USP46: variants seen among roughly 807,000 people sequenced by gnomAD.
The protein encoded by USP46 is ubiquitin specific peptidase 46, also known as ubiquitin carboxyl-terminal hydrolase 46.
Under a neutral mutation model 44.4 loss-of-function variants are expected in USP46, and 12 were observed. The observed-to-expected ratio is 0.27, with a 90% CI of 0.17 to 0.44. The LOEUF is 0.44. Ranked by LOEUF, USP46 falls within the 20% of genes least tolerant of loss-of-function variation. The pLI is 1.00. For synonymous variants in USP46, 155 were observed against 161.5 expected (o/e 0.96, Z 0.31); for missense variants, 248 against 444.8 (o/e 0.56, Z 3.98).
In USP46 at chr4:52,595,267, T is replaced by C. The variant is rs1716180391; in HGVS notation, c.*2373A>G. 6.6e-6 allele frequency: 1 copy of C among 152,652 alleles called. No homozygotes were observed. The highest frequency in any genetic ancestry group is 2.4e-5 in the African/African-American group (1 of 41,448). 9.5% of individuals were successfully genotyped at this position (152,652 alleles called of 1,614,324 possible). ...TAAACTAAAAGTGTTTGCATGTTAC[T>C]GTCTTTACATAAAGAGACATGATTG... On this transcript the variant is annotated 3_prime_UTR_variant, in exon 9 of 9. Transcript: ENST00000441222.
chr4:52,609,192 CTATT>C (rs1716819577), intron 5 of USP46, among the ~76,000 whole-genome samples: 1 of 152,182 alleles, frequency 6.6e-6, no homozygotes, highest in African/African-American at 2.4e-5. Context: ...AATTTAAACA[CTATT>C]TATATCATTT....
intron 1 of USP46, among the ~76,000 whole-genome samples, chr4:52,635,381 C>A (rs896275476): frequency 6.6e-6 from 1 of 152,150 alleles, no homozygotes; most frequent in Non-Finnish European, 1.5e-5. Context: ...ACAACCAAGC[C>A]GACTAGATTC....
rs1283309550 is a variant in USP46 at position 52,593,675 on chromosome 4, C to G, written c.*3965G>C. ...AGTATTTCTGAAGCTGGGGGGTCCCCCATGGCTCAGAAACAGGCCCAGAAG... is the reference window on the plus strand; with the variant it reads ...AGTATTTCTGAAGCTGGGGGGTCCCGCATGGCTCAGAAACAGGCCCAGAAG... On this transcript the variant is annotated 3_prime_UTR_variant, in exon 9 of 9. Coordinates refer to ENST00000441222, the MANE Select transcript of USP46 (RefSeq NM_022832.4). The G allele has an allele frequency of 6.6e-6, 1 of 152,266 alleles. No individual in the cohort carries two copies. The highest frequency in any genetic ancestry group is 1.5e-5 in the Non-Finnish European group (1 of 68,070). 9.4% of individuals were successfully genotyped at this position (152,266 alleles called of 1,614,324 possible).
At chr4:52,632,990 A>AAAGGAAAGAAAAGAAAGAAAG in intron 1 of USP46, among the ~76,000 whole-genome samples, 1 of 66,294 alleles carries the variant, frequency 1.5e-5, no homozygotes, top group African/African-American at 6.1e-5. Context: ...GAAAGAAAAG[A>AAAGGAAAGAAAAGAAAGAAAG]AAAGAAAGAA....
Position 52,615,637 on chromosome 4 carries a change from C to A in USP46, c.562-5020G>T, listed in dbSNP as rs184747420. Among the ~76,000 whole-genome samples the A allele has an allele frequency of 4.4e-3, 676 of 152,278 alleles. 18 individuals carry two copies. The highest frequency in any genetic ancestry group is 0.04 in the Admixed American group (609 of 15,288). ...GAAGGAAGTCATACATAAAAGACCA[C>A]ATATTGTATGATTCCATTTACATGA... On this transcript the variant is annotated intron_variant, in intron 4 of 8. Coordinates refer to ENST00000441222, the MANE Select transcript of USP46 (RefSeq NM_022832.4).
chr4:52,630,736 C>CAAAAAAAAAAAAAAAAAAAGAAAA (rs1717791649), intron 2 of USP46, among the ~76,000 whole-genome samples: 1 of 92,292 alleles, frequency 1.1e-5, no homozygotes. Flanking sequence ...GACTCTGTCT[C>CAAAAAAAAAAAAAAAAAAAGAAAA]AAAAAAAAAA....
intron 1 of USP46, among the ~76,000 whole-genome samples, chr4:52,654,206 GTATTT>G (rs1718872779): frequency 6.6e-6 from 1 of 152,186 alleles, no homozygotes; most frequent in Non-Finnish European, 1.5e-5. Context: ...ACCTCAGACT[GTATTT>G]TCTAATCCCA....
intron 4 of USP46, among the ~76,000 whole-genome samples, chr4:52,622,123 A>G (rs1717400239): frequency 6.6e-6 from 1 of 152,256 alleles, no homozygotes; most frequent in Non-Finnish European, 1.5e-5. Flanking sequence ...TAGTATTGAC[A>G]CACAAAATGG....
At chr4:52,614,735 A>G (rs1717056970) in intron 4 of USP46, among the ~76,000 whole-genome samples, 1 of 152,190 alleles carries the variant, frequency 6.6e-6, no homozygotes, top group Admixed American at 6.5e-5. Context: ...CAAATACAAA[A>G]TACTTTTTTC....
rs758791809 is a variant in USP46 at position 52,626,110 on chromosome 4, G to C, written c.469C>G (p.Pro157Ala). 6.2e-7 allele frequency: 1 copy of C among 1,613,838 alleles called. No individual in the cohort carries two copies. The highest frequency in any genetic ancestry group is 8.5e-7 in the Non-Finnish European group (1 of 1,179,848). ...GKLKNGNMNE[P>A]AENNKPELTW... ...AGTTCTGGTTTATTATTTTCCGCAG[G>C]TTCGTTCATGTTGCCATTTTTTAAT... Residue 157 changes from proline (P) to alanine (A), a missense_variant, in exon 4 of 9, where the codon CCT (proline) becomes GCT (alanine). Coordinates refer to ENST00000441222, the MANE Select transcript of USP46 (RefSeq NM_022832.4).
At chr4:52,619,483 G>T (rs1329598312) in intron 4 of USP46, among the ~76,000 whole-genome samples, 1 of 152,150 alleles carries the variant, frequency 6.6e-6, no homozygotes, top group Non-Finnish European at 1.5e-5. Flanking sequence ...CATAAACATG[G>T]GTCTTGGCAA....
At chr4:52,624,737 C>T (rs1002593074) in intron 4 of USP46, among the ~76,000 whole-genome samples, 4 of 152,134 alleles carry the variant, frequency 2.6e-5, no homozygotes, top group Non-Finnish European at 5.9e-5. Flanking sequence ...CTCTGGGAGG[C>T]AAACAGGTCA....
At chr4:52,598,074 T>A (rs973286170) in intron 8 of USP46, among the ~76,000 whole-genome samples, 1 of 152,218 alleles carries the variant, frequency 6.6e-6, no homozygotes, top group Non-Finnish European at 1.5e-5. Flanking sequence ...AGAGTTCATC[T>A]CTTTTGGTGT....
chr4:52,628,079 C>A lies in USP46; in HGVS notation c.202G>T (p.Ala68Ser), dbSNP rs1407127416. The A allele has an allele frequency of 1.2e-6, 2 of 1,613,954 alleles. No homozygotes were observed. The highest frequency in any genetic ancestry group is 2.2e-5 in the South Asian group (2 of 91,074). ...PFRENVLAYK[A>S]QQKKKENLLT... ...AAGTTTTCCTTCTTCTTTTGCTGGGCCTTGTATGCCAACACATTCTCCCGG... is the reference window on the plus strand; with the variant it reads ...AAGTTTTCCTTCTTCTTTTGCTGGGACTTGTATGCCAACACATTCTCCCGG... The change falls in exon 3 of 9, where the codon GCC becomes TCC. Residue 68 changes from alanine to serine, a missense_variant. Physicochemically the swap from Ala to Ser is moderately conservative, Grantham distance 99. Coordinates refer to ENST00000441222, the MANE Select transcript of USP46 (RefSeq NM_022832.4).
chr4:52,650,186 T>TACCAA (rs1718702021), intron 1 of USP46, among the ~76,000 whole-genome samples: 1 of 152,206 alleles, frequency 6.6e-6, no homozygotes, highest in South Asian at 2.1e-4. Context: ...GAGAGAATAT[T>TACCAA]GTAGAAACTA....
At chr4:52,607,881 T>C (rs952879148) in intron 5 of USP46, among the ~76,000 whole-genome samples, 2 of 152,218 alleles carry the variant, frequency 1.3e-5, no homozygotes, top group Non-Finnish European at 2.9e-5. Flanking sequence ...AAGCTTTCTG[T>C]ACAGCTTGCA....
At chr4:52,623,565 T>C (rs747667765) in intron 4 of USP46, among the ~76,000 whole-genome samples, 5 of 151,952 alleles carry the variant, frequency 3.3e-5, no homozygotes, top group African/African-American at 7.3e-5. Context: ...GCCAAAAAAA[T>C]GAAAAATATT....
intron 1 of USP46, among the ~76,000 whole-genome samples, chr4:52,656,947 G>A (rs1453379513): frequency 6.6e-6 from 1 of 151,238 alleles, no homozygotes; most frequent in African/African-American, 2.4e-5. Flanking sequence ...GGCAGAGGTG[G>A]GAGAATCACT....
intron 6 of USP46, 133 bp downstream of exon 6, chr4:52,604,368 T>G (rs769996933): frequency 1.6e-5 from 11 of 691,976 alleles, no homozygotes; most frequent in East Asian, 1.5e-4. Flanking sequence ...GTGAGGAGGA[T>G]AACTGACTTC....
Sources: gnomAD v4.1 joint callset for allele counts (sites outside exome capture counted in the v4.1 genomes callset) on GRCh38, gnomAD v4.1.1 for gene constraint, MANE v1.5 for transcripts, NCBI Gene and HGNC (gene_info 2026-07-23, HGNC 2026-07-21) for gene names.